The following SMAP2 variants were observed in gnomAD, a reference collection of about 807,000 sequenced individuals.
SMAP2 encodes small ArfGAP2.
A neutral mutation model predicts 56.4 loss-of-function variants in SMAP2; 25 were observed. The ratio of observed to expected loss-of-function variants is 0.44; its 90% confidence interval spans 0.32 to 0.62. SMAP2 has a LOEUF of 0.62. SMAP2 is among the 20% of genes least tolerant of loss of function. The probability of loss-of-function intolerance (pLI) is 0.04; values close to 1 mark genes in which losing one functional copy is unlikely to be tolerated. For synonymous variants in SMAP2, 157 were observed against 181.7 expected (o/e 0.86, Z 1.09); for missense variants, 388 against 545.6 (o/e 0.71, Z 2.88).
rs181614649 is a variant in SMAP2 at position 40,414,165 on chromosome 1, A to G, written c.496A>G (p.Lys166Glu). ...VVFEKVKMPQKKEDPQLPRKS... is the reference protein window; with the variant it reads ...VVFEKVKMPQEKEDPQLPRKS... ...TAACATATTTTCACCTTAGCCACAGAAAAAAGAAGACCCACAGCTACCTCG... is the reference window on the plus strand; with the variant it reads ...TAACATATTTTCACCTTAGCCACAGGAAAAAGAAGACCCACAGCTACCTCG... Residue 166 changes from lysine to glutamate, a missense_variant, in exon 6 of 10, where the codon AAA becomes GAA. By Grantham distance (56) the Lys-to-Glu change is moderately conservative. Coordinates refer to ENST00000372718, the MANE Select transcript of SMAP2 (RefSeq NM_022733.3). 14 of 1,613,780 alleles carry G rather than the reference A, an allele frequency of 8.7e-6. No individual in the cohort carries two copies. Among genetic ancestry groups the G allele is most frequent in the Middle Eastern group, 3.3e-4 (2 of 6,062 alleles).
At chr1:40,351,441 G>A (rs1192739711) in intron 1 of SMAP2, among the ~76,000 whole-genome samples, 1 of 152,160 alleles carries the variant, frequency 6.6e-6, no homozygotes, top group Non-Finnish European at 1.5e-5. Context: ...TTATTCTGGT[G>A]ATGAATACAG....
chr1:40,345,966 CTTT>C (rs71060369), intron 1 of SMAP2, among the ~76,000 whole-genome samples: 2 of 35,340 alleles, frequency 5.7e-5, no homozygotes, highest in African/African-American at 1.1e-4. Context: ...ATTTCTATCA[CTTT>C]TTTTTTTTTT....
At chr1:40,388,250 G>A (rs1468092209) in intron 1 of SMAP2, among the ~76,000 whole-genome samples, 1 of 152,232 alleles carries the variant, frequency 6.6e-6, no homozygotes, top group Non-Finnish European at 1.5e-5. Flanking sequence ...CACAGCGCGG[G>A]ACTGGCGGGC....
At chr1:40,416,389 G>A in intron 8 of SMAP2, 48 bp downstream of exon 8, 1 of 1,570,984 alleles carries the variant, frequency 6.4e-7, no homozygotes, top group Non-Finnish European at 8.6e-7. Flanking sequence ...AGACATGAGG[G>A]CTTCCATGCA....
intron 1 of SMAP2, among the ~76,000 whole-genome samples, chr1:40,384,926 G>A (rs1015416087): frequency 6.6e-6 from 1 of 152,132 alleles, no homozygotes; most frequent in African/African-American, 2.4e-5. Context: ...TTTCACTGCT[G>A]TGTTTGACTA....
At chr1:40,416,128 C>A (rs1213152257) in intron 7 of SMAP2, 48 bp from the exon 8 acceptor site, 1 of 1,570,400 alleles carries the variant, frequency 6.4e-7, no homozygotes, top group Non-Finnish European at 8.7e-7. Context: ...CTTAAAGAGA[C>A]CCCCATGAGA....
Position 40,360,004 on chromosome 1 carries a change from C to CTTTTTTTTTTTT in SMAP2, c.-82-2287_-82-2276dup, listed in dbSNP as rs775408458. Among the ~76,000 whole-genome samples the CTTTTTTTTTTTT allele has an allele frequency of 5.3e-4, 54 of 102,470 alleles. 1 individual carries two copies. The highest frequency in any genetic ancestry group is 9.1e-4 in the East Asian group (3 of 3,286). The allele number at this position is 102,470 out of a possible 152,430, so 67.2% of individuals were successfully genotyped here. ...ACAGACTTTTTTCTTCTTCTTCTTT[C>CTTTTTTTTTTTT]TTTTTTTTTTTTTTTTTTTTGAGAT... On this transcript the variant is annotated intron_variant, in intron 1 of 6. Transcript: ENST00000435168.
intron 1 of SMAP2, among the ~76,000 whole-genome samples, chr1:40,378,767 CA>C (rs1283279440): frequency 6.6e-6 from 1 of 152,134 alleles, no homozygotes; most frequent in Admixed American, 6.5e-5. Flanking sequence ...TGTTTCACCC[CA>C]CCCAACCACT....
At chr1:40,375,651 C>A in intron 1 of SMAP2, 1 of 222,996 alleles carries the variant, frequency 4.5e-6, no homozygotes, top group Non-Finnish European at 7.5e-6. Context: ...CTTCTTGATT[C>A]TTGTTACATC....
intron 1 of SMAP2, among the ~76,000 whole-genome samples, chr1:40,380,371 A>T (rs1214676284): frequency 6.6e-6 from 1 of 152,098 alleles, no homozygotes. Context: ...TTGTGTAGAA[A>T]TTTTCTCATA....
In SMAP2 at chr1:40,385,299, TAGCCCTCTTTTCCCCTC is replaced by T. The variant is rs1644642821; in HGVS notation, c.103+11079_103+11095del. Among the ~76,000 whole-genome samples, 1 of 152,220 alleles carries T rather than the reference TAGCCCTCTTTTCCCCTC, an allele frequency of 6.6e-6. No homozygotes were observed. Among genetic ancestry groups the T allele is most frequent in the South Asian group, 2.1e-4 (1 of 4,836 alleles). On this transcript the variant is annotated intron_variant, in intron 1 of 9. Transcript: ENST00000372718. This position sits in a 1 kb window ranked among gnomAD's most constrained non-coding sequence, Gnocchi z 4.5. Reference sequence around the variant, plus strand: ...ATTCTCTGACAAATTTTGTTGACCATAGCCCTCTTTTCCCCTCAGTTCATAGATTTCCTATAGGAATT... The same window carrying T: ...ATTCTCTGACAAATTTTGTTGACCATAGTTCATAGATTTCCTATAGGAATT...
At chr1:40,397,670 G>A (rs1246195350) in intron 1 of SMAP2, among the ~76,000 whole-genome samples, 1 of 152,042 alleles carries the variant, frequency 6.6e-6, no homozygotes, top group Non-Finnish European at 1.5e-5. Flanking sequence ...AAATGATGAA[G>A]GAACATGGTC....
chr1:40,352,765 C>T (rs755778029), intron 1 of SMAP2, among the ~76,000 whole-genome samples: 2 of 152,042 alleles, frequency 1.3e-5, no homozygotes, highest in Admixed American at 6.6e-5. Flanking sequence ...TGGCCTCAAG[C>T]GATCCTCCCT....
chr1:40,404,985 A>G (rs1437084230), intron 1 of SMAP2, among the ~76,000 whole-genome samples: 1 of 152,210 alleles, frequency 6.6e-6, no homozygotes, highest in African/African-American at 2.4e-5. Context: ...TGTGATAGCA[A>G]TAAGGTATTG....
chr1:40,388,815 A>G (rs1162369621), intron 1 of SMAP2, among the ~76,000 whole-genome samples: 3 of 151,482 alleles, frequency 2.0e-5, no homozygotes, highest in Non-Finnish European at 2.9e-5. Flanking sequence ...ACTGCTACTC[A>G]CTCTTTGGGT....
chr1:40,361,499 A>G (rs1338245435), intron 1 of SMAP2, among the ~76,000 whole-genome samples: 1 of 152,126 alleles, frequency 6.6e-6, no homozygotes, highest in Non-Finnish European at 1.5e-5. Context: ...CCTGCAGCTT[A>G]GGTACCAGAT....
At chr1:40,402,014 G>C (rs140896374) in intron 1 of SMAP2, among the ~76,000 whole-genome samples, 61 of 152,200 alleles carry the variant, frequency 4.0e-4, no homozygotes, top group African/African-American at 4.3e-4. Context: ...ACTTATGTGT[G>C]ACCTTGTTCT....
At chr1:40,420,288 A>T (rs556582273) in intron 9 of SMAP2, among the ~76,000 whole-genome samples, 4 of 152,156 alleles carry the variant, frequency 2.6e-5, no homozygotes, top group Non-Finnish European at 2.9e-5. Context: ...TTTTATTTAT[A>T]TAAGTAATGG....
At chr1:40,375,266 T>C (rs927843096) in intron 1 of SMAP2, among the ~76,000 whole-genome samples, 1 of 152,230 alleles carries the variant, frequency 6.6e-6, no homozygotes, top group African/African-American at 2.4e-5. Context: ...TGGATAGTTA[T>C]ATTTTGGGGG....
Sources: gnomAD v4.1 joint callset for allele counts (sites outside exome capture counted in the v4.1 genomes callset) on GRCh38, gnomAD v4.1.1 for gene constraint, Gnocchi (gnomAD v3.1) non-coding constraint, MANE v1.5 for transcripts, NCBI Gene and HGNC (gene_info 2026-07-23, HGNC 2026-07-21) for gene names.